Variants in PTPRB observed in about 807,000 individuals in gnomAD.
PTPRB encodes receptor-type tyrosine-protein phosphatase beta.
Under a neutral mutation model 238.1 loss-of-function variants are expected in PTPRB, and 97 were observed. The ratio of observed to expected loss-of-function variants is 0.41; its 90% confidence interval spans 0.35 to 0.48. The LOEUF is 0.48. Among genes scored for constraint, PTPRB ranks in the 20% least tolerant of loss-of-function variants. PTPRB has a pLI of 0.30. For synonymous variants in PTPRB, 970 were observed against 995.4 expected (o/e 0.97, Z 0.48); for missense variants, 2,292 against 2,681.9 (o/e 0.85, Z 3.21).
At chr12:70,569,345 C>T (rs1048833631) in intron 14 of PTPRB, among the ~76,000 whole-genome samples, 1 of 152,156 alleles carries the variant, frequency 6.6e-6, no homozygotes, top group African/African-American at 2.4e-5. Flanking sequence ...CTCAAGCAAT[C>T]TACCTGCCTT....
Position 70,566,484 on chromosome 12 carries a change from A to T in PTPRB, c.3855T>A (p.Thr1285=), listed in dbSNP as rs1026016827. 2.5e-6 allele frequency: 4 copies of T among 1,614,012 alleles called. No homozygotes were observed. Among genetic ancestry groups the T allele is most frequent in the Non-Finnish European group, 3.4e-6 (4 of 1,179,890 alleles). ...CCTTGCTAAAGAGGCCTCCACTGAC[A>T]GTTAGGATCTGTATCTTGTATTTCT... The part of the protein sequence containing the change: ...PGKKYKIQIL[T]VSGGLFSKEA... The change falls in exon 15 of 34, where the codon ACT becomes ACA. Residue 1285 remains threonine, a synonymous_variant. Transcript: ENST00000334414.
intron 9 of PTPRB, among the ~76,000 whole-genome samples, chr12:70,582,591 G>A (rs1881498856): frequency 1.3e-5 from 2 of 152,028 alleles, no homozygotes; most frequent in Admixed American, 6.5e-5. Context: ...ATACATAGAG[G>A]TAGAATTATC....
Position 70,592,508 on chromosome 12 carries a change from A to G in PTPRB, c.1554T>C (p.Asp518=), listed in dbSNP as rs1882590397. ...MEVSNLKVTN[D]GSLTSLKVKW... ...TGACTTTTAGAGAGGTCAAACTGCC[A>G]TCATTTGTCACCTTCAGATTTGAGA... is the stretch of plus-strand genomic sequence containing the variant. The change falls in exon 7 of 34, where the codon GAT becomes GAC. Residue 518 remains aspartate (D), a synonymous_variant. Transcript: ENST00000334414. 1 of 1,613,762 alleles carries G rather than the reference A, an allele frequency of 6.2e-7. No homozygotes were observed. The highest frequency in any genetic ancestry group is 1.7e-5 in the Admixed American group (1 of 59,970).
At chr12:70,558,198 G>C (rs60769314) in intron 18 of PTPRB, among the ~76,000 whole-genome samples, 1 of 152,158 alleles carries the variant, frequency 6.6e-6, no homozygotes, top group Non-Finnish European at 1.5e-5. Context: ...AGTGCAGGGT[G>C]TTCTGCTTAG....
intron 22 of PTPRB, 42 bp from the exon 23 acceptor site, chr12:70,540,999 A>G (rs1875002011): frequency 6.7e-7 from 1 of 1,492,222 alleles, no homozygotes; most frequent in Non-Finnish European, 9.2e-7. Context: ...AGGTGGGAAA[A>G]TTAGTGCTAG....
chr12:70,570,531 T>C (rs1489360451), intron 13 of PTPRB, among the ~76,000 whole-genome samples: 3 of 152,054 alleles, frequency 2.0e-5, no homozygotes, highest in Non-Finnish European at 4.4e-5. Flanking sequence ...GTATTTTTTG[T>C]AGAGACAGGG....
At chr12:70,546,920 T>C (rs1312856381) in intron 21 of PTPRB, among the ~76,000 whole-genome samples, 1 of 152,234 alleles carries the variant, frequency 6.6e-6, no homozygotes, top group African/African-American at 2.4e-5. Context: ...GATTCTCTAA[T>C]TGAACTGATG....
intron 2 of PTPRB, among the ~76,000 whole-genome samples, chr12:70,628,269 A>C (rs1007822297): frequency 1.3e-5 from 2 of 152,236 alleles, no homozygotes; most frequent in African/African-American, 4.8e-5. Context: ...ATAAATGCTG[A>C]TTGGTTGGCT....
intron 3 of PTPRB, among the ~76,000 whole-genome samples, chr12:70,610,113 C>G (rs1447393682): frequency 6.6e-6 from 1 of 152,158 alleles, no homozygotes; most frequent in Admixed American, 6.5e-5. Context: ...CTTCCGCAAT[C>G]AAAAGGCAAT....
At chr12:70,592,818 G>A (rs191008615) in intron 6 of PTPRB, among the ~76,000 whole-genome samples, 1 of 152,386 alleles carries the variant, frequency 6.6e-6, no homozygotes, top group African/African-American at 2.4e-5. Context: ...CCTGGATTCT[G>A]GTTCAGACTG....
chr12:70,634,708 AAG>A (rs2136616620), intron 2 of PTPRB, among the ~76,000 whole-genome samples: 1 of 152,354 alleles, frequency 6.6e-6, no homozygotes, highest in East Asian at 1.9e-4. Flanking sequence ...ACACTGAACA[AAG>A]AGTCAAAAAA....
chr12:70,523,245 C>T (rs1248205844), intron 33 of PTPRB, among the ~76,000 whole-genome samples: 1 of 152,024 alleles, frequency 6.6e-6, no homozygotes, highest in Non-Finnish European at 1.5e-5. Flanking sequence ...GCCTTCAACT[C>T]CTGGGCTCAA....
Position 70,564,057 on chromosome 12 carries a change from T to C in PTPRB, c.3905-950A>G, listed in dbSNP as rs139056297. On this transcript the variant is annotated intron_variant, in intron 15 of 33. Transcript: ENST00000334414. The stretch of plus-strand genomic sequence containing the variant: ...GTTCCAGCCATATGGGCCTCTTTAC[T>C]GTTCCTCCAACAGGTCAGACACACA... 9.2e-4 allele frequency among the ~76,000 whole-genome samples: 140 copies of C among 152,296 alleles called. 1 individual carries two copies. The highest frequency in any genetic ancestry group is 3.4e-3 in the Middle Eastern group (1 of 294).
intron 14 of PTPRB, among the ~76,000 whole-genome samples, chr12:70,568,118 C>T (rs1879545877): frequency 6.6e-6 from 1 of 152,192 alleles, no homozygotes; most frequent in Non-Finnish European, 1.5e-5. Flanking sequence ...CTTAGTCTTT[C>T]TTTAAATATT....
At chr12:70,558,590 G>T (rs373669395) in intron 18 of PTPRB, among the ~76,000 whole-genome samples, 80 of 152,266 alleles carry the variant, frequency 5.3e-4, no homozygotes, top group African/African-American at 1.9e-3. Flanking sequence ...ACTGGTATAT[G>T]CTTCGTCGTC....
rs548824807 is a variant in PTPRB at position 70,634,755 on chromosome 12, T to A, written c.451+916A>T. ...TAATCATAGATCTGCTGCTAATTTA[T>A]CTGGGACAATTTACTTAACCCTGAA... On this transcript the variant is annotated intron_variant, in intron 2 of 33. Coordinates refer to ENST00000334414, the MANE Select transcript of PTPRB (RefSeq NM_001109754.4). 2.0e-5 allele frequency among the ~76,000 whole-genome samples: 3 copies of A among 152,344 alleles called. No individual in the cohort carries two copies. The South Asian group carries it at 6.2e-4, about 32-fold the overall frequency.
intron 5 of PTPRB, 93 bp from the exon 6 acceptor site, chr12:70,594,817 T>A: frequency 7.0e-7 from 1 of 1,437,596 alleles, no homozygotes; most frequent in Non-Finnish European, 9.5e-7. Context: ...TTCATTTGTG[T>A]TCCTCTGTAC....
At chr12:70,592,071 G>C (rs1384279439) in intron 7 of PTPRB, 1 of 627,638 alleles carries the variant, frequency 1.6e-6, no homozygotes, top group Non-Finnish European at 2.7e-6. Flanking sequence ...AAAAGCATAA[G>C]ACAGAAACAA....
At chr12:70,524,213 A>G (rs115901228) in intron 33 of PTPRB, among the ~76,000 whole-genome samples, 2,462 of 150,808 alleles carry the variant, frequency 0.016, 63 homozygotes, top group African/African-American at 0.057. Context: ...AGCCCAAGTG[A>G]TCCTCCCCCT....
Sources: gnomAD v4.1 joint callset for allele counts (sites outside exome capture counted in the v4.1 genomes callset) on GRCh38, gnomAD v4.1.1 for gene constraint, MANE v1.5 for transcripts, NCBI Gene and HGNC (gene_info 2026-07-23, HGNC 2026-07-21) for gene names.